Variants in FSIP1 observed in about 807,000 individuals in gnomAD.
The protein encoded by FSIP1 is fibrous sheath interacting protein 1, also known as fibrous sheath-interacting protein 1.
Under a neutral mutation model 60.9 loss-of-function variants are expected in FSIP1, and 65 were observed. The ratio of observed to expected loss-of-function variants is 1.07; its 90% CI spans 0.87 to 1.31. The LOEUF (loss-of-function observed/expected upper bound fraction) is 1.31, where lower values mean the gene tolerates loss of function less well. Ranked by LOEUF, FSIP1 falls within the 40% of genes most tolerant of loss-of-function variation. The probability of loss-of-function intolerance (pLI) is 0.00; values close to 1 mark genes in which losing one functional copy is unlikely to be tolerated. For synonymous variants in FSIP1, 209 were observed against 221.2 expected (o/e 0.94, Z 0.49); for missense variants, 675 against 665.5 (o/e 1.01, Z -0.16).
intron 10 of FSIP1, among the ~76,000 whole-genome samples, chr15:39,711,977 G>A (rs7173641): frequency 0.017 from 2,643 of 151,870 alleles, 73 homozygotes; most frequent in African/African-American, 0.057. Context: ...GTGAGCCACC[G>A]CACCCAGCCC....
At chr15:39,763,710 G>A in intron 5 of FSIP1, 111 bp downstream of exon 5, 1 of 658,084 alleles carries the variant, frequency 1.5e-6, no homozygotes, top group Non-Finnish European at 2.8e-6. Context: ...CTAAAGAACA[G>A]TCAAACTCAC....
chr15:39,743,080 A>G (rs1309709106), intron 5 of FSIP1, among the ~76,000 whole-genome samples: 1 of 152,230 alleles, frequency 6.6e-6, no homozygotes, highest in African/African-American at 2.4e-5. Context: ...TTACATTTAC[A>G]TCATAGTCCT....
intron 8 of FSIP1, among the ~76,000 whole-genome samples, chr15:39,731,903 A>G (rs960853867): frequency 6.6e-6 from 1 of 152,208 alleles, no homozygotes; most frequent in Admixed American, 6.5e-5. Flanking sequence ...TGCAAGTGTG[A>G]GTTCCCAACA....
At chr15:39,754,181 C>A (rs999981109) in intron 5 of FSIP1, among the ~76,000 whole-genome samples, 11 of 152,028 alleles carry the variant, frequency 7.2e-5, no homozygotes, top group Non-Finnish European at 1.6e-4. Flanking sequence ...ATTAAGGTCT[C>A]CAACCCAAAG....
chr15:39,751,940 GTAA>G (rs1036542582), intron 5 of FSIP1, among the ~76,000 whole-genome samples: 1 of 151,748 alleles, frequency 6.6e-6, no homozygotes, highest in African/African-American at 2.4e-5. Context: ...ATATCATGTT[GTAA>G]TACCTTAAAT....
intron 10 of FSIP1, 23 bp downstream of exon 10, chr15:39,713,421 T>C: frequency 1.3e-6 from 2 of 1,569,932 alleles, no homozygotes; most frequent in Admixed American, 2.0e-5. Flanking sequence ...TTAAAAAAAA[T>C]TAATTAAAAC....
At chr15:39,674,566 G>C (rs540264987) in intron 10 of FSIP1, among the ~76,000 whole-genome samples, 2 of 149,150 alleles carry the variant, frequency 1.3e-5, no homozygotes, top group South Asian at 4.2e-4. Flanking sequence ...TGGAGTAGAA[G>C]AGGGCCCAGA....
intron 10 of FSIP1, among the ~76,000 whole-genome samples, chr15:39,673,090 C>T (rs376605948): frequency 2.6e-5 from 4 of 152,282 alleles, no homozygotes; most frequent in African/African-American, 4.8e-5. Flanking sequence ...TGGACTCTAA[C>T]GCATATGTCA....
At chr15:39,729,753 T>C (rs1896333371) in intron 8 of FSIP1, among the ~76,000 whole-genome samples, 1 of 152,184 alleles carries the variant, frequency 6.6e-6, no homozygotes, top group East Asian at 1.9e-4. Context: ...TGGATGCAAC[T>C]GAAGGCCATA....
intron 2 of FSIP1, among the ~76,000 whole-genome samples, chr15:39,772,775 G>C (rs533375216): frequency 6.6e-6 from 1 of 151,894 alleles, no homozygotes; most frequent in African/African-American, 2.4e-5. Flanking sequence ...ATTTTTAGTA[G>C]AGACGGGGTT....
At chr15:39,741,339 T>G (rs1896794382) in intron 6 of FSIP1, among the ~76,000 whole-genome samples, 1 of 152,206 alleles carries the variant, frequency 6.6e-6, no homozygotes, top group Non-Finnish European at 1.5e-5. Flanking sequence ...AGCTGCCATG[T>G]TCCTACAGTG....
chr15:39,622,065 T>C (rs950312089), intron 10 of FSIP1, among the ~76,000 whole-genome samples: 2 of 152,194 alleles, frequency 1.3e-5, no homozygotes, highest in South Asian at 2.1e-4. Context: ...AGTTAAGGAA[T>C]CATCTAACCC....
chr15:39,645,824 C>T (rs1232541814), intron 10 of FSIP1, among the ~76,000 whole-genome samples: 1 of 152,200 alleles, frequency 6.6e-6, no homozygotes. Context: ...AATCTCGGAG[C>T]GGGGTTGGGG....
At position 39,600,318 on chromosome 15, in the gene FSIP1, T is replaced by C. The variant is rs868030202; in HGVS notation, c.*562A>G. ...GTTAACTATTATTAACAAAGTAATA[T>C]ATCAAATAATTCACTCAAACTCCTA... is the stretch of plus-strand genomic sequence containing the variant. On this transcript the variant is annotated 3_prime_UTR_variant, in exon 12 of 12. Coordinates refer to ENST00000350221, the MANE Select transcript of FSIP1 (RefSeq NM_152597.5). 14 of 152,214 alleles carry C rather than the reference T, an allele frequency of 9.2e-5. No individual in the cohort carries two copies. The highest frequency in any genetic ancestry group is 2.7e-4 in the African/African-American group (11 of 41,448). The allele number at this position is 152,214 out of a possible 1,614,324, so 9.4% of individuals were successfully genotyped here.
Position 39,618,244 on chromosome 15 carries a change from A to C in FSIP1, c.1190T>G (p.Leu397Ter), listed in dbSNP as rs748314296. Reference protein sequence around the residue: ...EKLKMMKENVLESTSCLSEEQ... With the variant: ...EKLKMMKENV ...TTCAGAGAGACATGATGTGGACTCT[A>C]ACTGATGAAACAAACCAAAAGATTA... The change falls in exon 11 of 12, where the codon TTA becomes TGA. Residue 397 changes from leucine (L) to a stop codon, truncating the protein, a stop_gained and splice_region_variant. Transcript: ENST00000350221. LOFTEE classifies it high-confidence loss of function. 4 of 1,589,822 alleles carry C rather than the reference A, an allele frequency of 2.5e-6. No individual in the cohort carries two copies. In the African/African-American group the frequency reaches 4.1e-5, roughly 16 times the overall value.
rs1892005401 is a variant in FSIP1, at chr15:39,633,667, T to C, written c.1189-15422A>G. ...AGACGTAGTTAATTGAATAAATATA[T>C]AAATTTGAAGATTCATTAGGGATTT... is the stretch of plus-strand genomic sequence containing the variant. On this transcript the variant is annotated intron_variant, in intron 10 of 11. Transcript: ENST00000350221. Among the ~76,000 whole-genome samples, 3 of 152,344 alleles carry C rather than the reference T, an allele frequency of 2.0e-5. No individual in the cohort carries two copies. In the South Asian group the frequency reaches 6.2e-4, roughly 32 times the overall value.
intron 10 of FSIP1, among the ~76,000 whole-genome samples, chr15:39,644,873 T>C (rs944283906): frequency 2.0e-5 from 3 of 152,242 alleles, no homozygotes; most frequent in African/African-American, 7.2e-5. Context: ...AAATTGCTGA[T>C]GTAAAATGGT....
At chr15:39,714,949 G>A (rs60613947) in intron 9 of FSIP1, among the ~76,000 whole-genome samples, 18,074 of 146,238 alleles carry the variant, frequency 0.12, 1,334 homozygotes, top group African/African-American at 0.19. Flanking sequence ...CTGCAGACTG[G>A]GCAACAGAAT....
intron 9 of FSIP1, among the ~76,000 whole-genome samples, chr15:39,722,571 T>C (rs1237576232): frequency 6.6e-6 from 1 of 152,088 alleles, no homozygotes; most frequent in Non-Finnish European, 1.5e-5. Context: ...CTCTTCCTTC[T>C]CCTGCCCCTC....
Sources: gnomAD v4.1 joint callset for allele counts (sites outside exome capture counted in the v4.1 genomes callset) on GRCh38, gnomAD v4.1.1 for gene constraint, MANE v1.5 for transcripts, NCBI Gene and HGNC (gene_info 2026-07-23, HGNC 2026-07-21) for gene names.